The following FAM24B variants were observed in gnomAD, a reference collection of about 807,000 sequenced individuals.
FAM24B encodes family with sequence similarity 24 member B.
Under a neutral mutation model 2.3 loss-of-function variants are expected in FAM24B, and 3 were observed. The observed-to-expected ratio is 1.29, with a 90% CI of 0.59 to 3.32. The LOEUF (loss-of-function observed/expected upper bound fraction) is 3.32, where lower values mean the gene tolerates loss of function less well. FAM24B is among the 30% of genes most tolerant of loss of function. The probability of loss-of-function intolerance (pLI) is 0.03; values close to 1 mark genes in which losing one functional copy is unlikely to be tolerated. For missense variants in FAM24B, 98 were observed against 117.2 expected (o/e 0.84, Z 0.76); for synonymous variants, 36 against 46.3 (o/e 0.78, Z 0.90).
chr10:122,851,012 A>C (rs549115491), intron 2 of FAM24B, among the ~76,000 whole-genome samples: 5 of 152,358 alleles, frequency 3.3e-5, no homozygotes, highest in Admixed American at 6.5e-5. Flanking sequence ...TTACTGTCCC[A>C]ACAATACTGA....
At chr10:122,854,454 A>C (rs1847601538) in intron 2 of FAM24B, among the ~76,000 whole-genome samples, 2 of 152,098 alleles carry the variant, frequency 1.3e-5, no homozygotes, top group African/African-American at 4.8e-5. Flanking sequence ...TTCCACCCCC[A>C]GCCTTCCTGA....
chr10:122,856,218 G>A (rs1847634866), intron 1 of FAM24B, among the ~76,000 whole-genome samples: 1 of 152,200 alleles, frequency 6.6e-6, no homozygotes, highest in African/African-American at 2.4e-5. Context: ...ATTACAAGGA[G>A]ACACAATCAG....
intron 1 of FAM24B, among the ~76,000 whole-genome samples, chr10:122,874,639 T>C (rs1847950094): frequency 6.6e-6 from 1 of 152,184 alleles, no homozygotes; most frequent in South Asian, 2.1e-4. Context: ...ATAGCATGTA[T>C]TTTTTCCTCT....
intron 1 of FAM24B, among the ~76,000 whole-genome samples, chr10:122,867,625 C>G (rs959343397): frequency 6.6e-6 from 1 of 152,328 alleles, no homozygotes; most frequent in Admixed American, 6.5e-5. Context: ...GCAGCATTTG[C>G]GGTTCACCAA....
intron 2 of FAM24B, among the ~76,000 whole-genome samples, chr10:122,853,617 AGT>A (rs1331866356): frequency 6.6e-6 from 1 of 152,118 alleles, no homozygotes; most frequent in Non-Finnish European, 1.5e-5. Context: ...GACTAGGTGT[AGT>A]GGTTCATGCC....
At chr10:122,849,692 AC>A (rs111628312) in intron 3 of FAM24B, among the ~76,000 whole-genome samples, 38 of 152,120 alleles carry the variant, frequency 2.5e-4, no homozygotes, top group African/African-American at 8.9e-4. Context: ...CCAACTGGTC[AC>A]TGCAGGCCCC....
intron 3 of FAM24B, among the ~76,000 whole-genome samples, chr10:122,850,131 A>G (rs1847503115): frequency 6.6e-6 from 1 of 152,156 alleles, no homozygotes; most frequent in Non-Finnish European, 1.5e-5. Flanking sequence ...TAAACACCTG[A>G]TGGTAAACTT....
intron 1 of FAM24B, among the ~76,000 whole-genome samples, chr10:122,868,332 G>A (rs1172565073): frequency 6.6e-6 from 1 of 152,320 alleles, no homozygotes; most frequent in African/African-American, 2.4e-5. Context: ...GTGATGAGGA[G>A]AATGGAACCA....
intron 1 of FAM24B, among the ~76,000 whole-genome samples, chr10:122,868,712 C>T (rs1847843320): frequency 6.6e-6 from 1 of 152,130 alleles, no homozygotes; most frequent in Non-Finnish European, 1.5e-5. Context: ...GAAATAAAAT[C>T]CTTTACAGAT....
intron 1 of FAM24B, among the ~76,000 whole-genome samples, chr10:122,864,757 A>AGG (rs1847775210): frequency 6.6e-6 from 1 of 152,134 alleles, no homozygotes; most frequent in Non-Finnish European, 1.5e-5. Context: ...CCTGGCAACC[A>AGG]TTCTTTTAAT....
chr10:122,863,156 G>A (rs903289413), intron 1 of FAM24B, among the ~76,000 whole-genome samples: 3 of 152,154 alleles, frequency 2.0e-5, no homozygotes, highest in Non-Finnish European at 4.4e-5. Flanking sequence ...AAGAATCTCT[G>A]TGGAAAGAAT....
At chr10:122,849,599 G>A (rs374507210) in intron 3 of FAM24B, among the ~76,000 whole-genome samples, 160 bp from the exon 4 acceptor site, 2 of 151,900 alleles carry the variant, frequency 1.3e-5, no homozygotes, top group East Asian at 1.9e-4. Context: ...AGTTCCTCTC[G>A]AATCCTTTCC....
At chr10:122,860,625 T>C (rs539949086) in intron 1 of FAM24B, among the ~76,000 whole-genome samples, 24 of 152,360 alleles carry the variant, frequency 1.6e-4, no homozygotes, top group African/African-American at 5.3e-4. Context: ...TCATTTTTTA[T>C]TCTCACTAGC....
At chr10:122,850,251 C>G (rs574487164) in intron 3 of FAM24B, among the ~76,000 whole-genome samples, 173 bp downstream of exon 3, 1 of 152,314 alleles carries the variant, frequency 6.6e-6, no homozygotes, top group South Asian at 2.1e-4. Flanking sequence ...ACTCAGCTGT[C>G]TTTGCTTTTA....
intron 1 of FAM24B, among the ~76,000 whole-genome samples, chr10:122,869,010 C>T (rs535741342): frequency 9.4e-4 from 143 of 152,180 alleles, no homozygotes; most frequent in African/African-American, 3.3e-3. Context: ...AGAGTCAAGA[C>T]CCATCAGTGT....
intron 1 of FAM24B, among the ~76,000 whole-genome samples, chr10:122,871,043 T>C (rs1401677298): frequency 4.6e-5 from 7 of 152,196 alleles, no homozygotes; most frequent in African/African-American, 9.7e-5. Flanking sequence ...AACCCCATCG[T>C]CTCAGCTCAA....
chr10:122,875,260 A>G (rs1589678871), intron 1 of FAM24B, among the ~76,000 whole-genome samples: 1 of 152,122 alleles, frequency 6.6e-6, no homozygotes, highest in East Asian at 1.9e-4. Context: ...TTTGACTTCT[A>G]TCATTTCCTT....
intron 2 of FAM24B, among the ~76,000 whole-genome samples, chr10:122,852,347 C>A (rs931504663): frequency 6.6e-6 from 1 of 152,138 alleles, no homozygotes; most frequent in Non-Finnish European, 1.5e-5. Context: ...TGATGTCTTC[C>A]TGGATGATGA....
intron 1 of FAM24B, among the ~76,000 whole-genome samples, chr10:122,873,286 C>T (rs752075855): frequency 7.9e-5 from 12 of 152,196 alleles, no homozygotes; most frequent in African/African-American, 2.4e-4. Context: ...TTTAAGCCAA[C>T]GCTCATTTAC....
Sources: gnomAD v4.1 joint callset for allele counts (sites outside exome capture counted in the v4.1 genomes callset) on GRCh38, gnomAD v4.1.1 for gene constraint, MANE v1.5 for transcripts, NCBI Gene and HGNC (gene_info 2026-07-23, HGNC 2026-07-21) for gene names.